PTGER1: variants seen among roughly 807,000 people sequenced by gnomAD.
The protein encoded by PTGER1 is prostaglandin E2 receptor EP1 subtype.
In PTGER1, 15 loss-of-function variants were observed where a neutral mutation model predicts 18.5. The ratio of observed to expected loss-of-function variants is 0.81; its 90% CI spans 0.54 to 1.25. PTGER1 has a LOEUF of 1.25. Ranked by LOEUF, PTGER1 falls within the 50% of genes most tolerant of loss-of-function variation. The pLI, the probability that PTGER1 is intolerant of heterozygous loss-of-function variation, is 0.00. For missense variants in PTGER1, 567 were observed against 603.4 expected, an observed-to-expected ratio of 0.94 and a Z score of 0.63; for synonymous variants, 339 against 308.4, an observed-to-expected ratio of 1.10 and a Z score of -1.04.
In PTGER1 at chr19:14,472,734, G is replaced by C; in HGVS notation, c.1035C>G (p.Ile345Met). 6.2e-7 allele frequency: 1 copy of C among 1,609,090 alleles called. No individual in the cohort carries two copies. The stretch of plus-strand genomic sequence containing the variant: ...GTAGGATGTACACCCAAGGGTCCAG[G>C]ATCTGGTTCCAGGAGGCAAGGCGCA... Reference protein sequence around the residue: ...LAVRLASWNQILDPWVYILLR... With the variant: ...LAVRLASWNQMLDPWVYILLR... Residue 345 changes from isoleucine to methionine, a missense_variant, in exon 3 of 3, where the codon ATC becomes ATG. By Grantham distance (10) the Ile-to-Met change is conservative (BLOSUM62 1). Transcript: ENST00000292513.
rs754728936 is a variant in PTGER1, at chr19:14,472,780, T to C, written c.989A>G (p.Gln330Arg). 1 of 1,575,150 alleles carries C rather than the reference T, an allele frequency of 6.3e-7. No homozygotes were observed. The highest frequency in any genetic ancestry group is 1.2e-5 in the South Asian group (1 of 86,502). Residue 330 changes from glutamine (Q) to arginine (R), a missense_variant, in exon 3 of 3, where the codon CAG becomes CGG. By Grantham distance (43) the Gln-to-Arg change is conservative. Transcript: ENST00000292513. ...AVGGWSSTSL[Q>R]RPLFLAVRLA... ...GCGCACGGCCAGGAACAGTGGCCGCTGCAGGGAGGTAGAGCTCCAGCCGCC... is the reference window on the plus strand; with the variant it reads ...GCGCACGGCCAGGAACAGTGGCCGCCGCAGGGAGGTAGAGCTCCAGCCGCC...
Position 14,474,834 on chromosome 19 carries a change from C to T in PTGER1, c.-18+428G>A, listed in dbSNP as rs775779721. Among the ~76,000 whole-genome samples the T allele has an allele frequency of 2.0e-5, 3 of 152,186 alleles. No homozygotes were observed. The highest frequency in any genetic ancestry group is 4.4e-5 in the Non-Finnish European group (3 of 68,020). ...ACCACCACGGGCACATCTCTCCCCA[C>T]GGCCATGTCCCTGTCCCCCATGGAC... is the stretch of plus-strand genomic sequence containing the variant. On this transcript the variant is annotated intron_variant, in intron 1 of 2. Coordinates refer to ENST00000292513, the MANE Select transcript of PTGER1 (RefSeq NM_000955.3). This position sits in a 1 kb window ranked among gnomAD's most constrained non-coding sequence, Gnocchi z 5.4.
Position 14,472,702 on chromosome 19 carries a change from T to C in PTGER1, c.1067A>G (p.Gln356Arg). ...GCGAAGCAGTTGGCGCAGCACGGCC[T>C]GGCGCAGTAGGATGTACACCCAAGG... ...LDPWVYILLR[Q>R]AVLRQLLRLL... The change falls in exon 3 of 3, where the codon CAG becomes CGG. Residue 356 changes from glutamine (Q) to arginine (R), a missense_variant. Physicochemically the swap from Gln to Arg is conservative, Grantham distance 43 (BLOSUM62 1). Coordinates refer to ENST00000292513, the MANE Select transcript of PTGER1 (RefSeq NM_000955.3). The C allele has an allele frequency of 6.2e-7, 1 of 1,611,988 alleles. No homozygotes were observed. Among genetic ancestry groups the C allele is most frequent in the Non-Finnish European group, 8.5e-7 (1 of 1,179,146 alleles).
In PTGER1 at chr19:14,473,608, G is replaced by T. The variant is rs2071587717; in HGVS notation, c.713C>A (p.Ser238Tyr). 1.4e-6 allele frequency: 2 copies of T among 1,463,054 alleles called. No individual in the cohort carries two copies. Among genetic ancestry groups the T allele is most frequent in the Non-Finnish European group, 1.8e-6 (2 of 1,118,256 alleles). The allele number at this position is 1,463,054 out of a possible 1,614,324, so 90.6% of individuals were successfully genotyped here. The change falls in exon 2 of 3, where the codon TCC (serine) becomes TAC (tyrosine). Residue 238 changes from serine to tyrosine, a missense_variant. Coordinates refer to ENST00000292513, the MANE Select transcript of PTGER1 (RefSeq NM_000955.3). The surrounding 1 kb of genome is among the most constrained non-coding windows in gnomAD (Gnocchi z 7.1). ...GCCTGAGGCCGGGGGAGGCCGTCGG[G>T]AGCGGCGTCGCCAGCGGGCGCGTAG... ...ALLRARWRRR[S>Y]RRPPPASGPD...
intron 2 of PTGER1, 59 bp from the exon 3 acceptor site, chr19:14,472,885 T>A (rs1004695989): frequency 6.8e-7 from 1 of 1,474,082 alleles, no homozygotes; most frequent in Non-Finnish European, 9.0e-7. Flanking sequence ...GGCGCAGGGA[T>A]GGTGGGGGCG....
At position 14,472,524 on chromosome 19, in the gene PTGER1, G is replaced by T; in HGVS notation, c.*36C>A. On this transcript the variant is annotated 3_prime_UTR_variant, in exon 3 of 3. Coordinates refer to ENST00000292513, the MANE Select transcript of PTGER1 (RefSeq NM_000955.3). ...CGCCGCGCACCTGGGCCCAGCCCAG[G>T]GTGGGCTGGCTTAGTCGTTGGGCCT... 3 of 1,511,736 alleles carry T rather than the reference G, an allele frequency of 2.0e-6. No individual in the cohort carries two copies. Among genetic ancestry groups the T allele is most frequent in the Non-Finnish European group, 2.6e-6 (3 of 1,137,498 alleles). 93.6% of individuals were successfully genotyped at this position (1,511,736 alleles called of 1,614,324 possible). A position where few individuals can be genotyped will look rare whatever the true frequency, so the allele number is the denominator to read the frequency against.
Position 14,473,364 on chromosome 19 carries a change from C to T in PTGER1, c.942+15G>A. The T allele has an allele frequency of 6.4e-7, 1 of 1,562,080 alleles. No homozygotes were observed. Among genetic ancestry groups the T allele is most frequent in the Non-Finnish European group, 8.6e-7 (1 of 1,159,414 alleles). On this transcript the variant is annotated intron_variant, in intron 2 of 2. Transcript: ENST00000292513. This position sits in a 1 kb window ranked among gnomAD's most constrained non-coding sequence, Gnocchi z 7.1. Reference sequence around the variant, plus strand: ...CGGGAAGGAGCGTGGCTCGAGGGGCCGGTGCGCCCCTCACCAGCATTGGGC... The same window carrying T: ...CGGGAAGGAGCGTGGCTCGAGGGGCTGGTGCGCCCCTCACCAGCATTGGGC...
Position 14,473,415 on chromosome 19 carries a change from G to T in PTGER1, c.906C>A (p.Ile302=). 6.3e-7 allele frequency: 1 copy of T among 1,598,844 alleles called. No homozygotes were observed. Among genetic ancestry groups the T allele is most frequent in the East Asian group, 2.3e-5 (1 of 44,016 alleles). Residue 302 remains isoleucine (I), a synonymous_variant, in exon 2 of 3, where the codon ATC becomes ATA. Coordinates refer to ENST00000292513, the MANE Select transcript of PTGER1 (RefSeq NM_000955.3). The surrounding 1 kb of genome is among the most constrained non-coding windows in gnomAD (Gnocchi z 7.1). ...TCCAGCAGATGCACGACACCACCAT[G>T]ATACCGACAAGCTGGCCCACCATCT... The part of the protein sequence containing the change: ...DVEMVGQLVG[I]MVVSCICWSP...
chr19:14,474,815 A>G lies in PTGER1; in HGVS notation c.-18+447T>C, dbSNP rs2071598118. ...ATGCCCCAGCCCCATCTCTACCACC[A>G]CGGGCACATCTCTCCCCACGGCCAT... On this transcript the variant is annotated intron_variant, in intron 1 of 2. Coordinates refer to ENST00000292513, the MANE Select transcript of PTGER1 (RefSeq NM_000955.3). This position sits in a 1 kb window ranked among gnomAD's most constrained non-coding sequence, Gnocchi z 5.4. Among the ~76,000 whole-genome samples the G allele has an allele frequency of 6.6e-6, 1 of 151,470 alleles. No individual in the cohort carries two copies. Among genetic ancestry groups the G allele is most frequent in the Non-Finnish European group, 1.5e-5 (1 of 67,870 alleles).
chr19:14,474,148 G>A lies in PTGER1; in HGVS notation c.173C>T (p.Ala58Val), dbSNP rs1203257682. The A allele has an allele frequency of 1.3e-5, 19 of 1,451,818 alleles. No individual in the cohort carries two copies. In the Middle Eastern group the frequency reaches 6.3e-4, roughly 48 times the overall value. The allele number at this position is 1,451,818 out of a possible 1,614,324, so 89.9% of individuals were successfully genotyped here. A position where few individuals can be genotyped will look rare whatever the true frequency, so the allele number is the denominator to read the frequency against. The change falls in exon 2 of 3, where the codon GCG becomes GTG. Residue 58 changes from alanine (A) to valine (V), a missense_variant. Transcript: ENST00000292513. The surrounding 1 kb of genome is among the most constrained non-coding windows in gnomAD (Gnocchi z 5.4). Reference sequence around the variant, plus strand: ...GCGTCGCAGGCGGCCCGCGGCCTGCGCCAGCAGCGCCAGCGCCAGCAGGTT... The same window carrying A: ...GCGTCGCAGGCGGCCCGCGGCCTGCACCAGCAGCGCCAGCGCCAGCAGGTT... The part of the protein sequence containing the change: ...VSNLLALALL[A>V]QAAGRLRRRR...
chr19:14,473,415 G>A lies in PTGER1; in HGVS notation c.906C>T (p.Ile302=). The A allele has an allele frequency of 1.3e-6, 2 of 1,598,844 alleles. No homozygotes were observed. Among genetic ancestry groups the A allele is most frequent in the Non-Finnish European group, 1.7e-6 (2 of 1,175,244 alleles). ...TCCAGCAGATGCACGACACCACCAT[G>A]ATACCGACAAGCTGGCCCACCATCT... ...DVEMVGQLVG[I]MVVSCICWSP... Residue 302 remains isoleucine, a synonymous_variant, in exon 2 of 3, where the codon ATC becomes ATT. Coordinates refer to ENST00000292513, the MANE Select transcript of PTGER1 (RefSeq NM_000955.3). The surrounding 1 kb of genome is among the most constrained non-coding windows in gnomAD (Gnocchi z 7.1).
rs1411158817 is a variant in PTGER1, at chr19:14,473,428, TG to T, written c.892del (p.Gln298SerfsTer84). On this transcript the variant is annotated frameshift_variant, in exon 2 of 3. Transcript: ENST00000292513. LOFTEE classifies it low-confidence loss of function (END_TRUNC). This position sits in a 1 kb window ranked among gnomAD's most constrained non-coding sequence, Gnocchi z 7.1. The part of the protein sequence containing the change: ...ARAHDVEMVG[Q>X]LVGIMVVSCI... ...CGACACCACCATGATACCGACAAGC[TG>T]GCCCACCATCTCCACGTCGTGGGCG... The T allele has an allele frequency of 1.3e-6, 2 of 1,599,030 alleles. No homozygotes were observed. Among genetic ancestry groups the T allele is most frequent in the Admixed American group, 3.4e-5 (2 of 58,934 alleles).
Position 14,473,246 on chromosome 19 carries a change from TG to T in PTGER1, c.942+132del. On this transcript the variant is annotated intron_variant, in intron 2 of 2. Coordinates refer to ENST00000292513, the MANE Select transcript of PTGER1 (RefSeq NM_000955.3). The surrounding 1 kb of genome is among the most constrained non-coding windows in gnomAD (Gnocchi z 7.1). ...AGGCGATGCTGGCTTTCGGGGCAGG[TG>T]GGGCCTCTAGGGGCCGGGGCCTTGG... 5 of 1,439,082 alleles carry T rather than the reference TG, an allele frequency of 3.5e-6. No individual in the cohort carries two copies. Among genetic ancestry groups the T allele is most frequent in the Non-Finnish European group, 4.6e-6 (5 of 1,094,498 alleles). The allele number at this position is 1,439,082 out of a possible 1,614,324, so 89.1% of individuals were successfully genotyped here. A position where few individuals can be genotyped will look rare whatever the true frequency, so the allele number is the denominator to read the frequency against.
chr19:14,474,177 C>G lies in PTGER1; in HGVS notation c.144G>C (p.Val48=), dbSNP rs1471460346. ...GCAGCGCCAGCGCCAGCAGGTTGGA[C>G]ACGGCGCCCAGCGTCATGGAGAAGA... The part of the protein sequence containing the change: ...LPIFSMTLGA[V]SNLLALALLA... Residue 48 remains valine, a synonymous_variant, in exon 2 of 3, where the codon GTG becomes GTC. Transcript: ENST00000292513. The surrounding 1 kb of genome is among the most constrained non-coding windows in gnomAD (Gnocchi z 5.4). 3.3e-6 allele frequency: 5 copies of G among 1,501,966 alleles called. No homozygotes were observed. The highest frequency in any genetic ancestry group is 4.4e-6 in the Non-Finnish European group (5 of 1,132,550). 93.0% of individuals were successfully genotyped at this position (1,501,966 alleles called of 1,614,324 possible).
In PTGER1 at chr19:14,473,375, T is replaced by G; in HGVS notation, c.942+4A>C. On this transcript the variant is annotated splice_donor_region_variant and intron_variant, in intron 2 of 2. Coordinates refer to ENST00000292513, the MANE Select transcript of PTGER1 (RefSeq NM_000955.3). The surrounding 1 kb of genome is among the most constrained non-coding windows in gnomAD (Gnocchi z 7.1). ...GTGGCTCGAGGGGCCGGTGCGCCCC[T>G]CACCAGCATTGGGCTCCAGCAGATG... 4 of 1,573,544 alleles carry G rather than the reference T, an allele frequency of 2.5e-6. No homozygotes were observed. Among genetic ancestry groups the G allele is most frequent in the Non-Finnish European group, 3.4e-6 (4 of 1,165,256 alleles).
Position 14,472,477 on chromosome 19 carries a change from C to A in PTGER1, c.*83G>T. 1.4e-6 allele frequency: 2 copies of A among 1,429,854 alleles called. No homozygotes were observed. The highest frequency in any genetic ancestry group is 9.1e-7 in the Non-Finnish European group (1 of 1,094,292). The allele number at this position is 1,429,854 out of a possible 1,614,324, so 88.6% of individuals were successfully genotyped here. On this transcript the variant is annotated 3_prime_UTR_variant, in exon 3 of 3. Coordinates refer to ENST00000292513, the MANE Select transcript of PTGER1 (RefSeq NM_000955.3). ...GGTCCTGCCTGGGCTCGCAGAATGG[C>A]TTTTTATTCCCAAAGGCTCTGCGCC...
In PTGER1 at chr19:14,473,776, T is replaced by A. The variant is rs1241282360; in HGVS notation, c.545A>T (p.Gln182Leu). 1 of 1,450,292 alleles carries A rather than the reference T, an allele frequency of 6.9e-7. No homozygotes were observed. Among genetic ancestry groups the A allele is most frequent in the East Asian group, 3.1e-5 (1 of 32,406 alleles). 89.8% of individuals were successfully genotyped at this position (1,450,292 alleles called of 1,614,324 possible). A position where few individuals can be genotyped will look rare whatever the true frequency, so the allele number is the denominator to read the frequency against. ...GATGAAGCACCACGTGCCCGGGTACTGCAGCTCATAGCGGCCCACGCGCGC... is the reference window on the plus strand; with the variant it reads ...GATGAAGCACCACGTGCCCGGGTACAGCAGCTCATAGCGGCCCACGCGCGC... ...PLARVGRYEL[Q>L]YPGTWCFIGL... The change falls in exon 2 of 3, where the codon CAG becomes CTG. Residue 182 changes from glutamine to leucine, a missense_variant. Gln to Leu is a moderately radical substitution (Grantham distance 113). Coordinates refer to ENST00000292513, the MANE Select transcript of PTGER1 (RefSeq NM_000955.3). The surrounding 1 kb of genome is among the most constrained non-coding windows in gnomAD (Gnocchi z 7.1).
Position 14,474,248 on chromosome 19 carries a change from T to C in PTGER1, c.73A>G (p.Asn25Asp). The change falls in exon 2 of 3, where the codon AAC (asparagine) becomes GAC (aspartate). Residue 25 changes from asparagine to aspartate, a missense_variant. Asn to Asp is a conservative substitution (Grantham distance 23, BLOSUM62 1). Coordinates refer to ENST00000292513, the MANE Select transcript of PTGER1 (RefSeq NM_000955.3). This position sits in a 1 kb window ranked among gnomAD's most constrained non-coding sequence, Gnocchi z 5.4. ...CCCGACGGCGGCACGGCCGACGTGT[T>C]GGGGACCCAGGGCGCCGCGCATGTG... ...ATTCAAPWVP[N>D]TSAVPPSGAS... is the part of the protein sequence containing the mutation. The C allele has an allele frequency of 1.3e-6, 2 of 1,529,982 alleles. No homozygotes were observed. Among genetic ancestry groups the C allele is most frequent in the Non-Finnish European group, 1.7e-6 (2 of 1,144,354 alleles). 94.8% of individuals were successfully genotyped at this position (1,529,982 alleles called of 1,614,324 possible).
In PTGER1 at chr19:14,473,985, G is replaced by T. The variant is rs1335618405; in HGVS notation, c.336C>A (p.Phe112Leu). 1.3e-6 allele frequency: 2 copies of T among 1,499,358 alleles called. No homozygotes were observed. The highest frequency in any genetic ancestry group is 1.8e-6 in the Non-Finnish European group (2 of 1,128,986). The allele number at this position is 1,499,358 out of a possible 1,614,324, so 92.9% of individuals were successfully genotyped here. Residue 112 changes from phenylalanine (F) to leucine (L), a missense_variant, in exon 2 of 3, where the codon TTC (phenylalanine) becomes TTA (leucine). Transcript: ENST00000292513. This position sits in a 1 kb window ranked among gnomAD's most constrained non-coding sequence, Gnocchi z 7.1. ...GRAPAGGACHFLGGCMVFFGL... is the reference protein window; with the variant it reads ...GRAPAGGACHLLGGCMVFFGL... ...CGAAGAAGACCATGCAGCCGCCCAG[G>T]AAGTGGCAGGCCCCGCCGGCCGGAG... is the stretch of plus-strand genomic sequence containing the variant.
Sources: gnomAD v4.1 joint callset for allele counts (sites outside exome capture counted in the v4.1 genomes callset) on GRCh38, gnomAD v4.1.1 for gene constraint, Gnocchi (gnomAD v3.1) non-coding constraint, MANE v1.5 for transcripts, NCBI Gene and HGNC (gene_info 2026-07-23, HGNC 2026-07-21) for gene names.